The following BAZ2B variants were observed in gnomAD, a reference collection of about 807,000 sequenced individuals.
The protein encoded by BAZ2B is bromodomain adjacent to zinc finger domain 2B.
A neutral mutation model predicts 246.0 loss-of-function variants in BAZ2B; 91 were observed. That is an observed-to-expected ratio of 0.37 (90% CI 0.31 to 0.44). The LOEUF is 0.44. Among genes scored for constraint, BAZ2B ranks in the 20% least tolerant of loss-of-function variants. The pLI, the probability that BAZ2B is intolerant of heterozygous loss-of-function variation, is 1.00. For missense variants in BAZ2B, 2,332 were observed against 2,533.7 expected, an observed-to-expected ratio of 0.92 and a Z score of 1.71; for synonymous variants, 855 against 860.0, an observed-to-expected ratio of 0.99 and a Z score of 0.10.
chr2:159,701,604 C>T, the BAZ2B span, among the ~76,000 whole-genome samples: 1 of 148,170 alleles, frequency 6.7e-6, no homozygotes, highest in Non-Finnish European at 1.5e-5. Context: ...TAAAATTTGA[C>T]TTCATATTTT....
At chr2:159,557,750 C>T (rs1252256375) in intron 1 of BAZ2B, among the ~76,000 whole-genome samples, 1 of 152,128 alleles carries the variant, frequency 6.6e-6, no homozygotes, top group Non-Finnish European at 1.5e-5. Context: ...AATGAGTGAA[C>T]AAGTATTTAT....
At chr2:159,557,004 T>C (rs2089221991) in intron 1 of BAZ2B, among the ~76,000 whole-genome samples, 2 of 152,194 alleles carry the variant, frequency 1.3e-5, no homozygotes, top group African/African-American at 4.8e-5. Flanking sequence ...GAATTTTTCC[T>C]GGTTTCTCTT....
At chr2:159,626,947 A>T in the BAZ2B span, among the ~76,000 whole-genome samples, 1 of 152,190 alleles carries the variant, frequency 6.6e-6, no homozygotes, top group South Asian at 2.1e-4. Flanking sequence ...GAAAAGAGAG[A>T]AGAATCAAAT....
intron 2 of BAZ2B, among the ~76,000 whole-genome samples, chr2:159,548,552 G>C (rs2087692481): frequency 6.6e-6 from 1 of 152,142 alleles, no homozygotes. Flanking sequence ...TAAGTACCTA[G>C]CATCTTAAAA....
chr2:159,640,628 G>A, the BAZ2B span, among the ~76,000 whole-genome samples: 2 of 151,930 alleles, frequency 1.3e-5, no homozygotes, highest in African/African-American at 2.4e-5. Context: ...AAGTAAGAAG[G>A]AAATTGAAAG....
chr2:159,513,017 T>TAA (rs2083085509), intron 2 of BAZ2B, among the ~76,000 whole-genome samples: 1 of 152,190 alleles, frequency 6.6e-6, no homozygotes, highest in Admixed American at 6.5e-5. Flanking sequence ...TCTAAAGACC[T>TAA]GGATTTGAAT....
intron 13 of BAZ2B, among the ~76,000 whole-genome samples, chr2:159,414,767 A>G (rs1036421643): frequency 2.6e-5 from 4 of 151,668 alleles, no homozygotes; most frequent in Admixed American, 2.6e-4. Flanking sequence ...CAGTGAGCCG[A>G]GATGGAACCA....
At chr2:159,400,428 G>C (rs1456474771) in intron 17 of BAZ2B, among the ~76,000 whole-genome samples, 171 bp downstream of exon 17, 5 of 152,126 alleles carry the variant, frequency 3.3e-5, no homozygotes, top group Admixed American at 6.5e-5. Flanking sequence ...GTTGGGATTA[G>C]ATTAGCTTGC....
intron 31 of BAZ2B, among the ~76,000 whole-genome samples, chr2:159,343,294 C>T (rs1432136438): frequency 6.6e-6 from 1 of 152,078 alleles, no homozygotes; most frequent in Non-Finnish European, 1.5e-5. Context: ...TAATGTAAGA[C>T]CCCAAATGAT....
intron 1 of BAZ2B, among the ~76,000 whole-genome samples, chr2:159,572,194 T>C (rs1684191649): frequency 6.6e-6 from 1 of 152,216 alleles, no homozygotes; most frequent in South Asian, 2.1e-4. Context: ...TTGCCTTATA[T>C]ACCTTACCAA....
chr2:159,426,301 G>T (rs185766706), intron 13 of BAZ2B, among the ~76,000 whole-genome samples: 143 of 152,240 alleles, frequency 9.4e-4, no homozygotes, highest in African/African-American at 3.4e-3. Context: ...ATGCTAAATA[G>T]CAATTAGCTT....
intron 1 of BAZ2B, among the ~76,000 whole-genome samples, chr2:159,599,385 G>A: frequency 6.6e-6 from 1 of 152,074 alleles, no homozygotes; most frequent in East Asian, 1.9e-4. Flanking sequence ...TTGGAAGGCT[G>A]AGGCAGGCGG....
chr2:159,704,487 T>TC, the BAZ2B span, among the ~76,000 whole-genome samples: 24 of 147,794 alleles, frequency 1.6e-4, no homozygotes, highest in Non-Finnish European at 1.3e-4. Context: ...TTTTTCTTTT[T>TC]TTTTTTTTTT....
chr2:159,457,085 T>C (rs1355685015), intron 3 of BAZ2B, among the ~76,000 whole-genome samples: 1 of 152,190 alleles, frequency 6.6e-6, no homozygotes, highest in African/African-American at 2.4e-5. Context: ...CAGATAGTAA[T>C]TCCATGTAAA....
At chr2:159,437,038 G>A (rs1456164495) in intron 8 of BAZ2B, among the ~76,000 whole-genome samples, 1 of 152,034 alleles carries the variant, frequency 6.6e-6, no homozygotes, top group Admixed American at 6.5e-5. Context: ...CTGTAAATGA[G>A]GATAATATTA....
intron 26 of BAZ2B, among the ~76,000 whole-genome samples, chr2:159,374,488 A>G (rs547211557): frequency 2.0e-5 from 3 of 152,174 alleles, no homozygotes; most frequent in Non-Finnish European, 4.4e-5. Flanking sequence ...CTTGGCATTA[A>G]GCTTGTAAAG....
intron 5 of BAZ2B, among the ~76,000 whole-genome samples, chr2:159,447,462 T>G (rs78707834): frequency 0.011 from 1,623 of 152,268 alleles, 31 homozygotes; most frequent in African/African-American, 0.036. Context: ...AAAAGAAAGA[T>G]AGTAAATCAT....
At position 159,433,073 on chromosome 2, in the gene BAZ2B, G is replaced by C. The variant is rs777340211; in HGVS notation, c.1584C>G (p.Ser528Arg). The C allele has an allele frequency of 6.2e-7, 1 of 1,614,188 alleles. No individual in the cohort carries two copies. Among genetic ancestry groups the C allele is most frequent in the Non-Finnish European group, 8.5e-7 (1 of 1,180,030 alleles). Residue 528 changes from serine (S) to arginine (R), a missense_variant, in exon 9 of 37, where the codon AGC becomes AGG. Ser to Arg is a moderately radical substitution (Grantham distance 110). Transcript: ENST00000392783. ...GATTTACAGGTGAGGAAAAAGGGGT[G>C]CTACTTGCAGCAGCAATGTTTTCAT... ...KINENIAAASSTPFSSPVNLS... is the reference protein window; with the variant it reads ...KINENIAAASRTPFSSPVNLS...
intron 2 of BAZ2B, among the ~76,000 whole-genome samples, chr2:159,514,366 C>T (rs2083233081): frequency 6.6e-6 from 1 of 152,158 alleles, no homozygotes; most frequent in Admixed American, 6.6e-5. Context: ...TCAGTTATCA[C>T]ATTGTACTGT....
Sources: gnomAD v4.1 joint callset for allele counts (sites outside exome capture counted in the v4.1 genomes callset) on GRCh38, gnomAD v4.1.1 for gene constraint, MANE v1.5 for transcripts, NCBI Gene and HGNC (gene_info 2026-07-23, HGNC 2026-07-21) for gene names.